Variants in CDK14 observed in about 807,000 individuals in gnomAD.
The protein encoded by CDK14 is cyclin dependent kinase 14.
Under a neutral mutation model 60.7 loss-of-function variants are expected in CDK14, and 34 were observed. The ratio of observed to expected loss-of-function variants is 0.56; its 90% confidence interval spans 0.43 to 0.75. CDK14 has a LOEUF of 0.75. CDK14 is among the 30% of genes least tolerant of loss of function. The probability of loss-of-function intolerance (pLI) is 0.00; values close to 1 mark genes in which losing one functional copy is unlikely to be tolerated. For synonymous variants in CDK14, 197 were observed against 203.7 expected (o/e 0.97, Z 0.28); for missense variants, 482 against 564.1 (o/e 0.85, Z 1.47).
At chr7:90,951,932 A>G (rs73407501) in intron 8 of CDK14, among the ~76,000 whole-genome samples, 3,352 of 152,262 alleles carry the variant, frequency 0.022, 118 homozygotes, top group African/African-American at 0.076. Flanking sequence ...GAAATCATCT[A>G]TGGATGGCAG....
intron 11 of CDK14, among the ~76,000 whole-genome samples, chr7:91,076,366 C>T (rs939764227): frequency 2.0e-5 from 3 of 150,074 alleles, no homozygotes; most frequent in South Asian, 2.1e-4. Flanking sequence ...ACCATCTGAT[C>T]TTCGACAAAC....
At chr7:90,702,812 A>G (rs1017051227) in intron 2 of CDK14, among the ~76,000 whole-genome samples, 1 of 152,154 alleles carries the variant, frequency 6.6e-6, no homozygotes, top group Non-Finnish European at 1.5e-5. Flanking sequence ...AAGGTTTTCT[A>G]GATTTAAAAC....
chr7:91,012,474 C>A (rs932438522), intron 10 of CDK14, among the ~76,000 whole-genome samples: 1 of 152,148 alleles, frequency 6.6e-6, no homozygotes, highest in Admixed American at 6.5e-5. Context: ...GTAGCCTTAG[C>A]CTTCCTGGAC....
At chr7:90,962,541 T>C (rs1794631771) in intron 9 of CDK14, among the ~76,000 whole-genome samples, 1 of 152,156 alleles carries the variant, frequency 6.6e-6, no homozygotes, top group South Asian at 2.1e-4. Flanking sequence ...CATTGTTGTT[T>C]ATCGGTGTGT....
At chr7:90,749,735 G>A (rs140430146) in intron 4 of CDK14, among the ~76,000 whole-genome samples, 1 of 152,006 alleles carries the variant, frequency 6.6e-6, no homozygotes, top group African/African-American at 2.4e-5. Context: ...GAGACTTGGG[G>A]CTAAGGATGT....
At chr7:90,699,756 G>C (rs1262221254) in intron 2 of CDK14, among the ~76,000 whole-genome samples, 1 of 152,142 alleles carries the variant, frequency 6.6e-6, no homozygotes, top group Non-Finnish European at 1.5e-5. Context: ...GTCCTGCCAG[G>C]GCTGCAATTA....
chr7:91,151,919 C>T (rs949758665), intron 14 of CDK14, among the ~76,000 whole-genome samples: 1 of 152,124 alleles, frequency 6.6e-6, no homozygotes, highest in African/African-American at 2.4e-5. Flanking sequence ...AAATTAAGGC[C>T]AACATGAGAT....
chr7:90,701,900 G>T (rs545080564), intron 2 of CDK14, among the ~76,000 whole-genome samples: 1 of 152,174 alleles, frequency 6.6e-6, no homozygotes, highest in Admixed American at 6.5e-5. Context: ...TGGCTTTAGG[G>T]TCTGAGTTGA....
intron 6 of CDK14, among the ~76,000 whole-genome samples, chr7:90,897,786 T>A (rs938370970): frequency 2.0e-5 from 3 of 152,116 alleles, no homozygotes; most frequent in African/African-American, 7.2e-5. Flanking sequence ...ATTTTAGGTT[T>A]GTTTTTAGTG....
chr7:90,693,017 G>A (rs1257085239), intron 2 of CDK14, among the ~76,000 whole-genome samples: 5 of 152,058 alleles, frequency 3.3e-5, no homozygotes, highest in Admixed American at 3.3e-4. Context: ...AGGAAAAGGT[G>A]CACAAAAATG....
intron 2 of CDK14, among the ~76,000 whole-genome samples, chr7:90,718,778 A>G (rs2116678475): frequency 6.6e-6 from 1 of 152,270 alleles, no homozygotes; most frequent in South Asian, 2.1e-4. Context: ...CAGCAAGCAA[A>G]GAGAGGAAAG....
intron 2 of CDK14, among the ~76,000 whole-genome samples, chr7:90,711,618 C>T (rs1802061367): frequency 6.6e-6 from 1 of 152,026 alleles, no homozygotes; most frequent in Non-Finnish European, 1.5e-5. Flanking sequence ...TAGCCACCCA[C>T]TATGTGTAAA....
At chr7:90,645,426 C>G (rs1376345385) in intron 2 of CDK14, among the ~76,000 whole-genome samples, 1 of 151,378 alleles carries the variant, frequency 6.6e-6, no homozygotes, top group Non-Finnish European at 1.5e-5. Context: ...CCTTTTTTTT[C>G]CCCCGTAACT....
chr7:91,091,298 A>C (rs185173072), intron 12 of CDK14, among the ~76,000 whole-genome samples: 11 of 145,190 alleles, frequency 7.6e-5, no homozygotes, highest in Non-Finnish European at 1.7e-4. Context: ...ATATATTTTT[A>C]TATATACATA....
chr7:91,062,416 C>G (rs1348935854), intron 11 of CDK14, among the ~76,000 whole-genome samples: 1 of 152,038 alleles, frequency 6.6e-6, no homozygotes, highest in Non-Finnish European at 1.5e-5. Flanking sequence ...CCTGCACCCA[C>G]TCTCCGACAT....
chr7:90,701,023 T>C (rs987972268), intron 2 of CDK14, among the ~76,000 whole-genome samples: 1 of 152,246 alleles, frequency 6.6e-6, no homozygotes, highest in Non-Finnish European at 1.5e-5. Context: ...TAGCACTTTC[T>C]TTACATATTC....
In CDK14 at chr7:90,798,561, A is replaced by G. The variant is rs537895640; in HGVS notation, c.544+7909A>G. On this transcript the variant is annotated intron_variant, in intron 5 of 14. Coordinates refer to ENST00000380050, the MANE Select transcript of CDK14 (RefSeq NM_001287135.2). ...CTGTGTTGATCAATTTCTCATTTAC[A>G]AAATATCAACAGCGGGAAGATTTCA... Among the ~76,000 whole-genome samples, 8 of 152,318 alleles carry G rather than the reference A, an allele frequency of 5.3e-5. No homozygotes were observed. The South Asian group carries it at 1.4e-3, about 28-fold the overall frequency.
chr7:91,084,696 C>T (rs1024747676), intron 12 of CDK14, among the ~76,000 whole-genome samples: 5 of 152,226 alleles, frequency 3.3e-5, no homozygotes, highest in Non-Finnish European at 7.3e-5. Context: ...CTGTTGGACA[C>T]GCGTTTTTTG....
chr7:90,751,427 A>G (rs751825146), intron 4 of CDK14, among the ~76,000 whole-genome samples: 11 of 152,168 alleles, frequency 7.2e-5, no homozygotes, highest in Non-Finnish European at 1.2e-4. Flanking sequence ...GATAAGCCTC[A>G]TACGCAAAGG....
Sources: allele counts gnomAD v4.1 joint callset (sites outside exome capture counted in the v4.1 genomes callset), GRCh38; gene constraint gnomAD v4.1.1; transcripts MANE v1.5; gene names NCBI Gene and HGNC (gene_info 2026-07-23, HGNC 2026-07-21).